MYCBP2: variants seen among roughly 807,000 people sequenced by gnomAD.
MYCBP2 encodes E3 ubiquitin-protein ligase MYCBP2.
A neutral mutation model predicts 525.3 loss-of-function variants in MYCBP2; 120 were observed. The ratio of observed to expected loss-of-function variants is 0.23; its 90% CI spans 0.20 to 0.27. MYCBP2 has a LOEUF of 0.27. Among genes scored for constraint, MYCBP2 ranks in the 10% least tolerant of loss-of-function variants. The pLI is 1.00. For missense variants in MYCBP2, 4,149 were observed against 5,657.1 expected, an observed-to-expected ratio of 0.73 and a Z score of 8.55; for synonymous variants, 1,894 against 1,955.8, an observed-to-expected ratio of 0.97 and a Z score of 0.83.
chr13:77,165,789 A>G (rs912805066), intron 41 of MYCBP2, among the ~76,000 whole-genome samples: 12 of 152,216 alleles, frequency 7.9e-5, no homozygotes, highest in African/African-American at 1.2e-4. Context: ...ACAAACAAAT[A>G]GGCAGGTCAG....
rs113035665 is a variant in MYCBP2 at position 77,174,188 on chromosome 13, T to A, written c.5651+123A>T. 1.9e-5 allele frequency: 13 copies of A among 684,504 alleles called. No homozygotes were observed. The African/African-American group carries it at 2.1e-4, about 11-fold the overall frequency. The allele number at this position is 684,504 out of a possible 1,614,324, so 42.4% of individuals were successfully genotyped here. ...TTCTTTATATGAATTTGTACAAGTA[T>A]GTGCTAAGAAGATACACTGTACAAT... On this transcript the variant is annotated intron_variant, in intron 37 of 82. Coordinates refer to ENST00000544440, the MANE Select transcript of MYCBP2 (RefSeq NM_015057.5).
chr13:77,217,961 G>T lies in MYCBP2; in HGVS notation c.2940-4C>A, dbSNP rs772888925. 1.2e-5 allele frequency: 19 copies of T among 1,523,890 alleles called. No homozygotes were observed. Among genetic ancestry groups the T allele is most frequent in the South Asian group, 7.6e-5 (6 of 79,328 alleles). The allele number at this position is 1,523,890 out of a possible 1,614,324, so 94.4% of individuals were successfully genotyped here. A position where few individuals can be genotyped will look rare whatever the true frequency, so the allele number is the denominator to read the frequency against. ...TTGAACAAGAGTGGGACATCCCCTAGGTTAAAAAAAAAAAAAGTAAGTCAA... is the reference window on the plus strand; with the variant it reads ...TTGAACAAGAGTGGGACATCCCCTATGTTAAAAAAAAAAAAAGTAAGTCAA... On this transcript the variant is annotated splice_polypyrimidine_tract_variant and splice_region_variant and intron_variant, in intron 20 of 82. Coordinates refer to ENST00000544440, the MANE Select transcript of MYCBP2 (RefSeq NM_015057.5).
chr13:77,211,208 T>A lies in MYCBP2; in HGVS notation c.3375A>T (p.Gly1125=), dbSNP rs767740568. ...ATACAGGATCAAGACACACACCAAA[T>A]CCTTGCAGATCCTCTTGTTCTGAGT... The part of the protein sequence containing the change: ...FNDSEQEDLQ[G]FGVCLDPVYD... Residue 1125 remains glycine, a synonymous_variant, in exon 23 of 83, where the codon GGA becomes GGT. Transcript: ENST00000544440. 13 of 1,524,998 alleles carry A rather than the reference T, an allele frequency of 8.5e-6. No homozygotes were observed. The highest frequency in any genetic ancestry group is 1.1e-5 in the Non-Finnish European group (13 of 1,133,258). 94.5% of individuals were successfully genotyped at this position (1,524,998 alleles called of 1,614,324 possible).
intron 68 of MYCBP2, among the ~76,000 whole-genome samples, chr13:77,072,875 T>C (rs1282845878): frequency 1.3e-5 from 2 of 152,172 alleles, no homozygotes; most frequent in Non-Finnish European, 2.9e-5. Context: ...ATTTTTAGAA[T>C]AGAGCATTTA....
intron 26 of MYCBP2, among the ~76,000 whole-genome samples, chr13:77,204,091 C>T (rs1439674874): frequency 6.7e-6 from 1 of 149,686 alleles, no homozygotes; most frequent in Non-Finnish European, 1.5e-5. Context: ...AAAGAAACTA[C>T]CATCAGAGTG....
rs984882417 is a variant in MYCBP2 at position 77,123,376 on chromosome 13, G to A, written c.8018-1881C>T. Among the ~76,000 whole-genome samples the A allele has an allele frequency of 2.0e-5, 3 of 152,222 alleles. No individual in the cohort carries two copies. In the South Asian group the frequency reaches 6.2e-4, roughly 32 times the overall value. ...AGAAAAATTTAAACTTTTCTTAAAT[G>A]ATACTCTAATTTAAGAGGCATTTTA... On this transcript the variant is annotated intron_variant, in intron 54 of 82. Transcript: ENST00000544440.
At chr13:77,294,112 A>ATATATATATG (rs2077820890) in intron 2 of MYCBP2, among the ~76,000 whole-genome samples, 2 of 53,538 alleles carry the variant, frequency 3.7e-5, no homozygotes, top group East Asian at 5.1e-4. Context: ...GGCTATATAT[A>ATATATATATG]TATATATATA....
rs748127956 is a variant in MYCBP2 at position 77,121,378 on chromosome 13, C to T, written c.8135G>A (p.Ser2712Asn). ...ACTTACTTTTAAATACCTACCTTTG[C>T]TATTTCCGAGTCCATAATCAAATCC... The part of the protein sequence containing the change: ...AQGFDYGLGN[S>N]KGDRGNISTS... Residue 2712 changes from serine (S) to asparagine (N), a missense_variant, in exon 55 of 83, where the codon AGC becomes AAC. By Grantham distance (46) the Ser-to-Asn change is conservative. Transcript: ENST00000544440. 2.6e-6 allele frequency: 4 copies of T among 1,546,542 alleles called. No individual in the cohort carries two copies. The South Asian group carries it at 3.8e-5, about 15-fold the overall frequency.
In MYCBP2 at chr13:77,086,760, G is replaced by A. The variant is rs74096188; in HGVS notation, c.10875+724C>T. 2.2e-3 allele frequency among the ~76,000 whole-genome samples: 332 copies of A among 151,840 alleles called. 2 individuals are homozygous for A. Among genetic ancestry groups the A allele is most frequent in the African/African-American group, 7.6e-3 (314 of 41,434 alleles). ...CAATTATACTTAGATTAATTTTTAC[G>A]TATTTTCTTTAGTTCTTTATCGAAT... On this transcript the variant is annotated intron_variant, in intron 62 of 82. Coordinates refer to ENST00000544440, the MANE Select transcript of MYCBP2 (RefSeq NM_015057.5).
chr13:77,211,996 T>C lies in MYCBP2; in HGVS notation c.3222A>G (p.Val1074=). ...RIDEALINSH[V]LATSEIFASK... ...TGGCAAAAATTTCTGATGTAGCAAG[T>C]ACATGAGAATTAATAAGTGCTTCAT... Residue 1074 remains valine, a synonymous_variant, in exon 22 of 83, where the codon GTA becomes GTG. Coordinates refer to ENST00000544440, the MANE Select transcript of MYCBP2 (RefSeq NM_015057.5). 2 of 1,614,106 alleles carry C rather than the reference T, an allele frequency of 1.2e-6. No individual in the cohort carries two copies. Among genetic ancestry groups the C allele is most frequent in the Non-Finnish European group, 1.7e-6 (2 of 1,179,964 alleles).
Position 77,097,970 on chromosome 13 carries a change from A to C in MYCBP2, c.9184T>G (p.Ser3062Ala). The C allele has an allele frequency of 6.2e-7, 1 of 1,613,516 alleles. No homozygotes were observed. Among genetic ancestry groups the C allele is most frequent in the Non-Finnish European group, 8.5e-7 (1 of 1,179,770 alleles). The change falls in exon 56 of 83, where the codon TCC (serine) becomes GCC (alanine). Residue 3062 changes from serine to alanine, a missense_variant. Coordinates refer to ENST00000544440, the MANE Select transcript of MYCBP2 (RefSeq NM_015057.5). ...CTCCTTATAGGAGCATGTTCTTTGG[A>C]AAGTTCAGGATGAAACTTTAGGAAA... The part of the protein sequence containing the change: ...SSFLKFHPEL[S>A]KEHAPIRSSL...
At chr13:77,286,546 G>A (rs2154357330) in intron 3 of MYCBP2, among the ~76,000 whole-genome samples, 1 of 150,634 alleles carries the variant, frequency 6.6e-6, no homozygotes, top group Admixed American at 6.6e-5. Flanking sequence ...GAGGTCAGGA[G>A]ATCGAGACCA....
chr13:77,197,518 C>A (rs2061883239), intron 26 of MYCBP2, among the ~76,000 whole-genome samples: 1 of 152,086 alleles, frequency 6.6e-6, no homozygotes, highest in South Asian at 2.1e-4. Flanking sequence ...CATGAAAATG[C>A]ATCAAAGAAG....
At chr13:77,272,367 C>T (rs1337758307) in intron 5 of MYCBP2, 1 of 152,180 alleles carries the variant, frequency 6.6e-6, no homozygotes. Context: ...TTCTTATACT[C>T]CTGCTATGAG....
At chr13:77,158,795 T>A (rs1252341501) in intron 44 of MYCBP2, among the ~76,000 whole-genome samples, 1 of 152,128 alleles carries the variant, frequency 6.6e-6, no homozygotes, top group South Asian at 2.1e-4. Flanking sequence ...GAGTAAGGTG[T>A]GTCTGTTCTC....
intron 55 of MYCBP2, among the ~76,000 whole-genome samples, chr13:77,116,961 T>C (rs1279950429): frequency 6.6e-6 from 1 of 152,076 alleles, no homozygotes; most frequent in Non-Finnish European, 1.5e-5. Context: ...ACAGGCAATT[T>C]TTCATTTAAA....
At position 77,174,328 on chromosome 13, in the gene MYCBP2, T is replaced by C. The variant is rs779418710; in HGVS notation, c.5634A>G (p.Pro1878=). The change falls in exon 37 of 83, where the codon CCA becomes CCG. Residue 1878 remains proline (P), a synonymous_variant. Transcript: ENST00000544440. ...TCACCCACCTATAGTAGAGTATCTGTGGGATCTGTCCTCTGGTTTGGTTTG... is the reference window on the plus strand; with the variant it reads ...TCACCCACCTATAGTAGAGTATCTGCGGGATCTGTCCTCTGGTTTGGTTTG... ...NGTNQTRGQI[P]QILYYRSEFD... 1.1e-5 allele frequency: 18 copies of C among 1,614,014 alleles called. No homozygotes were observed. The East Asian group carries it at 3.6e-4, about 32-fold the overall frequency.
chr13:77,065,783 T>G (rs2040107334), intron 72 of MYCBP2, among the ~76,000 whole-genome samples: 1 of 152,178 alleles, frequency 6.6e-6, no homozygotes, highest in Non-Finnish European at 1.5e-5. Context: ...CCCACACAAA[T>G]TAACTGGAAA....
chr13:77,167,935 A>T (rs1371731093), intron 40 of MYCBP2, among the ~76,000 whole-genome samples: 1 of 152,232 alleles, frequency 6.6e-6, no homozygotes, highest in Non-Finnish European at 1.5e-5. Context: ...TTTGCATGAT[A>T]CAATGAAAAA....
Sources: gnomAD v4.1 joint callset for allele counts (sites outside exome capture counted in the v4.1 genomes callset) on GRCh38, gnomAD v4.1.1 for gene constraint, MANE v1.5 for transcripts, NCBI Gene and HGNC (gene_info 2026-07-23, HGNC 2026-07-21) for gene names.